The following DGKI variants were observed in gnomAD, a reference collection of about 807,000 sequenced individuals.
The protein encoded by DGKI is diacylglycerol kinase iota.
A neutral mutation model predicts 147.5 loss-of-function variants in DGKI; 55 were observed. The observed-to-expected ratio is 0.37, with a 90% CI of 0.30 to 0.47. DGKI has a LOEUF of 0.47. Ranked by LOEUF, DGKI falls within the 20% of genes least tolerant of loss-of-function variation. The pLI, the probability that DGKI is intolerant of heterozygous loss-of-function variation, is 1.00. For missense variants in DGKI, 1,007 were observed against 1,323.8 expected (o/e 0.76, Z 3.71); for synonymous variants, 469 against 477.1 (o/e 0.98, Z 0.22).
intron 20 of DGKI, among the ~76,000 whole-genome samples, chr7:137,537,982 A>G (rs188434654): frequency 6.6e-6 from 1 of 152,338 alleles, no homozygotes; most frequent in Non-Finnish European, 1.5e-5. Context: ...TAGGACCACA[A>G]CTAAGTAAAC....
At chr7:137,638,537 T>C (rs1821457739) in intron 6 of DGKI, among the ~76,000 whole-genome samples, 1 of 121,038 alleles carries the variant, frequency 8.3e-6, no homozygotes, top group African/African-American at 3.3e-5. Flanking sequence ...CACACACATA[T>C]ATGTATATAT....
At chr7:137,786,367 G>A (rs780593983) in intron 1 of DGKI, among the ~76,000 whole-genome samples, 14 of 151,922 alleles carry the variant, frequency 9.2e-5, no homozygotes, top group Admixed American at 3.3e-4. Flanking sequence ...AATCCCTTTC[G>A]TAATAGCTGC....
At chr7:137,635,121 C>A (rs935442850) in intron 6 of DGKI, among the ~76,000 whole-genome samples, 1 of 152,132 alleles carries the variant, frequency 6.6e-6, no homozygotes, top group African/African-American at 2.4e-5. Flanking sequence ...AAATCTTAGA[C>A]ACAACGCAGG....
intron 1 of DGKI, among the ~76,000 whole-genome samples, chr7:137,807,270 A>G (rs888399321): frequency 5.3e-5 from 8 of 152,202 alleles, no homozygotes; most frequent in Admixed American, 2.0e-4. Context: ...TTCACCCAAG[A>G]TCCATGTTAT....
rs1472013870 is a variant in DGKI at position 137,562,893 on chromosome 7, G to C, written c.1947+8282C>G. ...ATTCTTTCAGGAAATAGAAGAGAATGTCATTTCTTGTCTCAGATTCCAAGG... is the reference window on the plus strand; with the variant it reads ...ATTCTTTCAGGAAATAGAAGAGAATCTCATTTCTTGTCTCAGATTCCAAGG... On this transcript the variant is annotated intron_variant, in intron 19 of 32. Coordinates refer to ENST00000614521, the MANE Select transcript of DGKI (RefSeq NM_001321708.2). Among the ~76,000 whole-genome samples the C allele has an allele frequency of 5.3e-5, 8 of 152,232 alleles. No individual in the cohort carries two copies. In the East Asian group the frequency reaches 1.5e-3, roughly 29 times the overall value.
chr7:137,488,586 T>C (rs922011637), intron 21 of DGKI, among the ~76,000 whole-genome samples: 3 of 152,138 alleles, frequency 2.0e-5, no homozygotes, highest in Non-Finnish European at 4.4e-5. Flanking sequence ...TGATCTAACA[T>C]AAAACCTTCA....
At chr7:137,718,006 T>C (rs1007116403) in intron 1 of DGKI, among the ~76,000 whole-genome samples, 5 of 151,704 alleles carry the variant, frequency 3.3e-5, no homozygotes, top group African/African-American at 1.2e-4. Context: ...TGCTCGGAGG[T>C]TGCTTTCTCA....
chr7:137,488,681 A>C (rs940723762), intron 21 of DGKI, among the ~76,000 whole-genome samples: 3 of 152,326 alleles, frequency 2.0e-5, no homozygotes, highest in Non-Finnish European at 2.9e-5. Flanking sequence ...TCGTTCACTC[A>C]TTGAGTGTAT....
intron 23 of DGKI, among the ~76,000 whole-genome samples, chr7:137,473,853 T>A (rs1217943487): frequency 1.3e-5 from 2 of 152,224 alleles, no homozygotes; most frequent in Non-Finnish European, 2.9e-5. Flanking sequence ...TGTATGGTAT[T>A]AATAATTGAA....
intron 1 of DGKI, among the ~76,000 whole-genome samples, chr7:137,839,980 C>T (rs1798498045): frequency 6.6e-6 from 1 of 152,150 alleles, no homozygotes; most frequent in African/African-American, 2.4e-5. Flanking sequence ...AGAACATTAA[C>T]ATTCATATGC....
chr7:137,468,208 G>C (rs549960592), intron 24 of DGKI, among the ~76,000 whole-genome samples: 1 of 152,236 alleles, frequency 6.6e-6, no homozygotes, highest in Non-Finnish European at 1.5e-5. Flanking sequence ...CACCCCTGCT[G>C]TCTAAAACCT....
intron 28 of DGKI, among the ~76,000 whole-genome samples, chr7:137,433,575 G>T (rs1361661868): frequency 1.3e-5 from 2 of 152,170 alleles, no homozygotes; most frequent in Non-Finnish European, 2.9e-5. Context: ...GTTTCACTGG[G>T]TGTTAATATA....
intron 21 of DGKI, among the ~76,000 whole-genome samples, chr7:137,513,079 T>C (rs1322106501): frequency 1.3e-5 from 2 of 152,176 alleles, no homozygotes; most frequent in Admixed American, 6.5e-5. Context: ...ATTTCAAACC[T>C]TCCTCTTTTT....
At chr7:137,574,304 C>A (rs957587733) in intron 17 of DGKI, among the ~76,000 whole-genome samples, 2 of 152,124 alleles carry the variant, frequency 1.3e-5, no homozygotes, top group Non-Finnish European at 2.9e-5. Flanking sequence ...GTACTCTCAA[C>A]TACTAAGCAA....
chr7:137,468,881 A>G (rs966138312), intron 24 of DGKI, among the ~76,000 whole-genome samples: 3 of 152,212 alleles, frequency 2.0e-5, no homozygotes, highest in African/African-American at 7.2e-5. Context: ...CATATGAACA[A>G]AAGAGAGAAT....
At chr7:137,445,769 G>C (rs1421366796) in intron 27 of DGKI, among the ~76,000 whole-genome samples, 2 of 152,146 alleles carry the variant, frequency 1.3e-5, no homozygotes, top group Non-Finnish European at 2.9e-5. Context: ...CTAGAGACTT[G>C]AAAGTGCCTG....
At chr7:137,591,163 T>C (rs897843277) in intron 12 of DGKI, among the ~76,000 whole-genome samples, 3 of 152,242 alleles carry the variant, frequency 2.0e-5, no homozygotes, top group Admixed American at 6.5e-5. Context: ...CCTTGGTCTA[T>C]GCAGAAAAGG....
At chr7:137,497,440 G>T (rs1227904318) in intron 21 of DGKI, among the ~76,000 whole-genome samples, 1 of 152,062 alleles carries the variant, frequency 6.6e-6, no homozygotes, top group Non-Finnish European at 1.5e-5. Flanking sequence ...TCACTATTGG[G>T]TATATACCTA....
At chr7:137,627,654 G>C (rs1432285912) in intron 6 of DGKI, among the ~76,000 whole-genome samples, 1 of 152,200 alleles carries the variant, frequency 6.6e-6, no homozygotes, top group Non-Finnish European at 1.5e-5. Flanking sequence ...CAATACAGTA[G>C]AATTTGTGGC....
Sources: gnomAD v4.1 joint callset for allele counts (sites outside exome capture counted in the v4.1 genomes callset) on GRCh38, gnomAD v4.1.1 for gene constraint, MANE v1.5 for transcripts, NCBI Gene and HGNC (gene_info 2026-07-23, HGNC 2026-07-21) for gene names.